The following SCFD1 variants were observed in gnomAD, a reference collection of about 807,000 sequenced individuals.
SCFD1 encodes sec1 family domain-containing protein 1.
A neutral mutation model predicts 103.2 loss-of-function variants in SCFD1; 37 were observed. That is an observed-to-expected ratio of 0.36 (90% confidence interval 0.28 to 0.47). The LOEUF (loss-of-function observed/expected upper bound fraction) is 0.47. Ranked by LOEUF, SCFD1 falls within the 20% of genes least tolerant of loss-of-function variation. SCFD1 has a pLI of 1.00. For synonymous variants in SCFD1, 264 were observed against 245.0 expected (o/e 1.08, Z -0.73); for missense variants, 639 against 761.2 (o/e 0.84, Z 1.89).
chr14:30,683,431 G>T, intron 14 of SCFD1: 1 of 513,740 alleles, frequency 1.9e-6, no homozygotes, highest in South Asian at 1.6e-5. Context: ...CATGTGAAAA[G>T]GTGGTCTGAT....
chr14:30,667,754 C>G lies in SCFD1; in HGVS notation c.856-2502C>G, dbSNP rs185551575. Among the ~76,000 whole-genome samples, 84 of 152,178 alleles carry G rather than the reference C, an allele frequency of 5.5e-4. 1 individual carries two copies. The highest frequency in any genetic ancestry group is 1.9e-3 in the African/African-American group (80 of 41,526). On this transcript the variant is annotated intron_variant, in intron 10 of 24. Transcript: ENST00000458591. ...TGCAAAAATCACAAGCATTCTTATA[C>G]GCAAATAACAGACAAAGAGCCAAAT...
At chr14:30,680,726 A>C (rs965810201) in intron 14 of SCFD1, among the ~76,000 whole-genome samples, 39 of 152,162 alleles carry the variant, frequency 2.6e-4, no homozygotes, top group Admixed American at 3.3e-4. Context: ...CTGGGAGTTC[A>C]AGTCCAGTTG....
At chr14:30,732,180 T>C (rs1358555524) in intron 23 of SCFD1, among the ~76,000 whole-genome samples, 1 of 152,214 alleles carries the variant, frequency 6.6e-6, no homozygotes, top group Admixed American at 6.5e-5. Flanking sequence ...TTTCACAGCC[T>C]TGCTGAGTTT....
chr14:30,722,007 T>G (rs1298250665), intron 22 of SCFD1, 90 bp downstream of exon 22: 1 of 869,084 alleles, frequency 1.2e-6, no homozygotes, highest in Non-Finnish European at 1.9e-6. Context: ...CATGGCTTTA[T>G]GATGATTAGT....
intron 2 of SCFD1, 72 bp downstream of exon 2, chr14:30,628,351 T>C (rs1279906388): frequency 1.1e-6 from 1 of 925,790 alleles, no homozygotes; most frequent in Non-Finnish European, 1.7e-6. Flanking sequence ...GGAGGGAATT[T>C]ATTGTAATAT....
chr14:30,649,727 TGAGATTGCA>T, intron 8 of SCFD1, 144 bp downstream of exon 8: 1 of 641,142 alleles, frequency 1.6e-6, no homozygotes, highest in South Asian at 1.9e-5. Flanking sequence ...TTTATTACAT[TGAGATTGCA>T]CCGAAGATAA....
chr14:30,633,965 A>C lies in SCFD1; in HGVS notation c.240A>C (p.Arg80=). 1 of 1,597,956 alleles carries C rather than the reference A, an allele frequency of 6.3e-7. No homozygotes were observed. Among genetic ancestry groups the C allele is most frequent in the Non-Finnish European group, 8.6e-7 (1 of 1,169,580 alleles). The change falls in exon 4 of 25, where the codon CGA becomes CGC. Residue 80 remains arginine, a synonymous_variant. Coordinates refer to ENST00000458591, the MANE Select transcript of SCFD1 (RefSeq NM_016106.4). ...CTTCTAGGCTTTTACACTCTGATCGAGATCCTATTCCAGATGTTCCTGCAG... is the reference window on the plus strand; with the variant it reads ...CTTCTAGGCTTTTACACTCTGATCGCGATCCTATTCCAGATGTTCCTGCAG... ...ITLHLLLHSD[R]DPIPDVPAVY...
chr14:30,714,976 C>G (rs1284999429), intron 19 of SCFD1, among the ~76,000 whole-genome samples: 1 of 152,144 alleles, frequency 6.6e-6, no homozygotes, highest in East Asian at 1.9e-4. Flanking sequence ...ATGCCACAGC[C>G]TATAAACAAG....
At chr14:30,632,385 A>G (rs781306959) in intron 3 of SCFD1, among the ~76,000 whole-genome samples, 10 of 152,174 alleles carry the variant, frequency 6.6e-5, no homozygotes, top group Non-Finnish European at 1.3e-4. Flanking sequence ...ATTAGGATCT[A>G]TCTTATCACT....
intron 1 of SCFD1, among the ~76,000 whole-genome samples, chr14:30,622,751 C>T (rs545862549): frequency 1.3e-5 from 2 of 152,204 alleles, no homozygotes; most frequent in South Asian, 4.1e-4. Context: ...GTTCAGTTCT[C>T]CTGGTTTTGA....
chr14:30,735,278 C>T (rs929178449), intron 24 of SCFD1, among the ~76,000 whole-genome samples: 1 of 151,996 alleles, frequency 6.6e-6, no homozygotes, highest in African/African-American at 2.4e-5. Flanking sequence ...TATTGCAATT[C>T]CATTTTCTTT....
chr14:30,653,442 A>G, intron 9 of SCFD1, 47 bp from the exon 10 acceptor site: 2 of 1,152,784 alleles, frequency 1.7e-6, no homozygotes, highest in South Asian at 2.5e-5. Flanking sequence ...TTAGATGTAT[A>G]CACTGGTATC....
At chr14:30,703,934 T>G (rs1220631052) in intron 17 of SCFD1, among the ~76,000 whole-genome samples, 1 of 66,704 alleles carries the variant, frequency 1.5e-5, no homozygotes, top group Non-Finnish European at 2.4e-5. Flanking sequence ...TATATATATA[T>G]ATATATATAT....
chr14:30,734,647 A>G lies in SCFD1; in HGVS notation c.1837-143A>G, dbSNP rs1893708591. On this transcript the variant is annotated intron_variant, in intron 23 of 24. Transcript: ENST00000458591. Reference sequence around the variant, plus strand: ...CTCTTTATTTCATGCAATTTTAGGTAGATGTGTATACTAAAATCCAACAGT... The same window carrying G: ...CTCTTTATTTCATGCAATTTTAGGTGGATGTGTATACTAAAATCCAACAGT... 9.3e-6 allele frequency: 6 copies of G among 643,636 alleles called. No individual in the cohort carries two copies. In the South Asian group the frequency reaches 1.1e-4, roughly 12 times the overall value. 39.9% of individuals were successfully genotyped at this position (643,636 alleles called of 1,614,324 possible). A position where few individuals can be genotyped will look rare whatever the true frequency, so the allele number is the denominator to read the frequency against.
intron 16 of SCFD1, among the ~76,000 whole-genome samples, chr14:30,701,447 C>T (rs1278553667): frequency 3.3e-5 from 5 of 151,732 alleles, no homozygotes; most frequent in East Asian, 3.9e-4. Flanking sequence ...CTCAGCTACT[C>T]GGGAGGCTGA....
chr14:30,726,749 G>A (rs1893070508), intron 23 of SCFD1, among the ~76,000 whole-genome samples: 1 of 151,998 alleles, frequency 6.6e-6, no homozygotes. Context: ...TTTCCAGGCT[G>A]CTTGCCACCA....
intron 14 of SCFD1, 57 bp from the exon 15 acceptor site, chr14:30,694,716 A>C (rs1339480609): frequency 9.9e-6 from 15 of 1,518,466 alleles, no homozygotes; most frequent in Middle Eastern, 3.7e-4. Context: ...AGGTGAGTAG[A>C]TCATTATGTA....
At chr14:30,729,886 TCTAGG>T (rs1893318900) in intron 23 of SCFD1, among the ~76,000 whole-genome samples, 1 of 152,154 alleles carries the variant, frequency 6.6e-6, no homozygotes, top group Admixed American at 6.5e-5. Context: ...TTTTTTAAGT[TCTAGG>T]GTGCGTGTGC....
chr14:30,699,798 A>T (rs1036761851), intron 15 of SCFD1, among the ~76,000 whole-genome samples: 1 of 152,146 alleles, frequency 6.6e-6, no homozygotes, highest in African/African-American at 2.4e-5. Context: ...TCCCACTTTC[A>T]TACCAGTTGT....
Sources: gnomAD v4.1 joint callset for allele counts (sites outside exome capture counted in the v4.1 genomes callset) on GRCh38, gnomAD v4.1.1 for gene constraint, MANE v1.5 for transcripts, NCBI Gene and HGNC (gene_info 2026-07-23, HGNC 2026-07-21) for gene names.